Variants in TNKS observed in about 807,000 individuals in gnomAD.
The protein encoded by TNKS is tankyrase.
A neutral mutation model predicts 135.8 loss-of-function variants in TNKS; 72 were observed. The observed-to-expected ratio is 0.53, with a 90% CI of 0.44 to 0.64. TNKS has a LOEUF of 0.64. Among genes scored for constraint, TNKS ranks in the 30% least tolerant of loss-of-function variants. TNKS has a pLI of 0.00. For synonymous variants in TNKS, 849 were observed against 649.3 expected (o/e 1.31, Z -4.68); for missense variants, 1,769 against 1,674.0 (o/e 1.06, Z -0.99).
intron 3 of TNKS, among the ~76,000 whole-genome samples, chr8:9,671,406 T>C (rs1391989195): frequency 1.3e-5 from 2 of 152,154 alleles, no homozygotes; most frequent in Non-Finnish European, 2.9e-5. Flanking sequence ...ATCCATATAA[T>C]GGAATATAAC....
intron 3 of TNKS, among the ~76,000 whole-genome samples, chr8:9,642,792 T>A (rs1800772261): frequency 6.9e-6 from 1 of 145,962 alleles, no homozygotes; most frequent in Non-Finnish European, 1.5e-5. Flanking sequence ...CTTCAGAATC[T>A]CATAAAAGTT....
At chr8:9,667,324 A>G (rs1280074366) in intron 3 of TNKS, among the ~76,000 whole-genome samples, 2 of 152,374 alleles carry the variant, frequency 1.3e-5, no homozygotes, top group African/African-American at 2.4e-5. Flanking sequence ...CTCTCAGGAT[A>G]TATGAACAAA....
chr8:9,701,965 A>G (rs1317435273), intron 5 of TNKS, among the ~76,000 whole-genome samples: 2 of 152,232 alleles, frequency 1.3e-5, no homozygotes, highest in Non-Finnish European at 2.9e-5. Flanking sequence ...AGGAACTCAC[A>G]CAGAGTCTGT....
chr8:9,635,329 G>GT (rs1800470155), intron 3 of TNKS, among the ~76,000 whole-genome samples: 1 of 152,216 alleles, frequency 6.6e-6, no homozygotes, highest in Non-Finnish European at 1.5e-5. Context: ...ATAGCCCATT[G>GT]TATGAAATAG....
chr8:9,556,481 G>T lies in TNKS; in HGVS notation c.542G>T (p.Gly181Val). Residue 181 changes from glycine (G) to valine (V), a missense_variant, in exon 1 of 27, where the codon GGG becomes GTG. Physicochemically the swap from Gly to Val is moderately radical, Grantham distance 109. Transcript: ENST00000310430. ...GGGACAGGGGTCCCAGCAGTGAGCG[G>T]GGCCCTACGGGAACTGCTGGAGGCC... is the stretch of plus-strand genomic sequence containing the variant. The part of the protein sequence containing the change: ...GPGTGVPAVS[G>V]ALRELLEACR... The T allele has an allele frequency of 6.2e-7, 1 of 1,614,174 alleles. No individual in the cohort carries two copies. Among genetic ancestry groups the T allele is most frequent in the Non-Finnish European group, 8.5e-7 (1 of 1,180,034 alleles).
At chr8:9,745,232 C>T (rs1008879478) in intron 17 of TNKS, among the ~76,000 whole-genome samples, 1 of 152,046 alleles carries the variant, frequency 6.6e-6, no homozygotes, top group East Asian at 1.9e-4. Context: ...TTGATAATAC[C>T]ACGAGTGGTA....
rs530687860 is a variant in TNKS, at chr8:9,723,125, A to T, written c.1921+2580A>T. Among the ~76,000 whole-genome samples the T allele has an allele frequency of 3.3e-5, 5 of 149,350 alleles. No individual in the cohort carries two copies. The South Asian group carries it at 8.5e-4, about 25-fold the overall frequency. On this transcript the variant is annotated intron_variant, in intron 12 of 26. Transcript: ENST00000310430. Reference sequence around the variant, plus strand: ...TGGAAAGCTAATACAAATAAAAAATATATATAGGAAAATTTTGCCCTCCAA... The same window carrying T: ...TGGAAAGCTAATACAAATAAAAAATTTATATAGGAAAATTTTGCCCTCCAA...
At chr8:9,589,822 C>G (rs190679555) in intron 2 of TNKS, among the ~76,000 whole-genome samples, 2 of 152,318 alleles carry the variant, frequency 1.3e-5, no homozygotes, top group Middle Eastern at 3.4e-3. Context: ...CATCTCATGC[C>G]TTCAACGAAG....
chr8:9,588,501 C>G (rs1306679950), intron 2 of TNKS, among the ~76,000 whole-genome samples: 2 of 152,206 alleles, frequency 1.3e-5, no homozygotes, highest in Non-Finnish European at 2.9e-5. Context: ...TGGTCTCTAT[C>G]TCCTGACCTC....
At chr8:9,724,188 G>A (rs920864016) in intron 12 of TNKS, among the ~76,000 whole-genome samples, 11 of 152,248 alleles carry the variant, frequency 7.2e-5, no homozygotes, top group African/African-American at 2.2e-4. Context: ...GGTTGCTCAC[G>A]CCTATAATCC....
chr8:9,580,118 A>C, intron 1 of TNKS, 41 bp from the exon 2 acceptor site: 1 of 1,556,958 alleles, frequency 6.4e-7, no homozygotes, highest in Non-Finnish European at 8.8e-7. Context: ...CTTTTTACAA[A>C]ATCAAATATA....
intron 6 of TNKS, among the ~76,000 whole-genome samples, chr8:9,705,355 C>G (rs1803995514): frequency 6.6e-6 from 1 of 152,164 alleles, no homozygotes; most frequent in Non-Finnish European, 1.5e-5. Context: ...ATGTGGTGGA[C>G]TAACATTTCT....
rs28678124 is a variant in TNKS, at chr8:9,649,279, G to A, written c.995-30672G>A. Among the ~76,000 whole-genome samples, 57 of 152,212 alleles carry A rather than the reference G, an allele frequency of 3.7e-4. 1 individual carries two copies. Among genetic ancestry groups the A allele is most frequent in the African/African-American group, 5.5e-4 (23 of 41,522 alleles). On this transcript the variant is annotated intron_variant, in intron 3 of 26. Coordinates refer to ENST00000310430, the MANE Select transcript of TNKS (RefSeq NM_003747.3). ...CAGTCAACCAATCAAATATGTAGCC[G>A]TTTGTGCTAAGCAAATAACTTATTT...
chr8:9,726,729 G>C lies in TNKS; in HGVS notation c.2001+9G>C. 2 of 1,608,224 alleles carry C rather than the reference G, an allele frequency of 1.2e-6. No homozygotes were observed. The highest frequency in any genetic ancestry group is 1.7e-6 in the Non-Finnish European group (2 of 1,176,450). ...ACTTGGAAACTGTGAAGGTAAGTCA[G>C]TGCCCTTAATATCTGGAATAGCACT... On this transcript the variant is annotated intron_variant, in intron 13 of 26. Transcript: ENST00000310430.
intron 2 of TNKS, among the ~76,000 whole-genome samples, chr8:9,600,246 T>A (rs1798962233): frequency 6.6e-6 from 1 of 152,200 alleles, no homozygotes; most frequent in African/African-American, 2.4e-5. Flanking sequence ...TAACTCTAAC[T>A]ATGGCATATT....
At chr8:9,711,190 T>C (rs1196117052) in intron 11 of TNKS, among the ~76,000 whole-genome samples, 1 of 152,114 alleles carries the variant, frequency 6.6e-6, no homozygotes, top group Non-Finnish European at 1.5e-5. Flanking sequence ...GCATTTCAAT[T>C]TATAATACTT....
chr8:9,710,477 T>TTTCATC (rs1041216529), intron 11 of TNKS: 5 of 569,620 alleles, frequency 8.8e-6, no homozygotes, highest in Non-Finnish European at 1.6e-5. Context: ...TTGAAATAGA[T>TTTCATC]TTCATCTTTA....
intron 5 of TNKS, among the ~76,000 whole-genome samples, chr8:9,685,504 G>T (rs1029399727): frequency 6.6e-6 from 1 of 152,098 alleles, no homozygotes; most frequent in Non-Finnish European, 1.5e-5. Context: ...AATGTATCTA[G>T]AATGGACACT....
intron 2 of TNKS, among the ~76,000 whole-genome samples, chr8:9,593,805 G>T (rs530229466): frequency 1.3e-5 from 2 of 152,184 alleles, no homozygotes; most frequent in South Asian, 2.1e-4. Context: ...GATTGGGGAT[G>T]GGGGAAAGAA....
Sources: allele counts gnomAD v4.1 joint callset (sites outside exome capture counted in the v4.1 genomes callset), GRCh38; gene constraint gnomAD v4.1.1; transcripts MANE v1.5; gene names NCBI Gene and HGNC (gene_info 2026-07-23, HGNC 2026-07-21).